Variants in RAB2A observed in about 807,000 individuals in gnomAD.
The protein encoded by RAB2A is ras-related protein Rab-2A.
In RAB2A, 7 loss-of-function variants were observed where a neutral mutation model predicts 32.5. That is an observed-to-expected ratio of 0.22 (90% CI 0.12 to 0.40). The LOEUF (loss-of-function observed/expected upper bound fraction) is 0.40, where lower values mean the gene tolerates loss of function less well. Among genes scored for constraint, RAB2A ranks in the 10% least tolerant of loss-of-function variants. The pLI is 1.00. For missense variants in RAB2A, 108 were observed against 260.7 expected, an observed-to-expected ratio of 0.41 and a Z score of 4.03; for synonymous variants, 79 against 85.2, an observed-to-expected ratio of 0.93 and a Z score of 0.40.
chr8:60,559,885 G>A (rs185252431), intron 2 of RAB2A, among the ~76,000 whole-genome samples: 1 of 152,310 alleles, frequency 6.6e-6, no homozygotes, highest in East Asian at 1.9e-4. Context: ...CCAAATCAGA[G>A]ATAGAGCTCA....
Position 60,620,843 on chromosome 8 carries a change from T to C in RAB2A, c.*74T>C. Reference sequence around the variant, plus strand: ...TTCACCCCCTCTCCTCCTGCTCAGCTGAGACATGAAACTATTTGAAATGGC... The same window carrying C: ...TTCACCCCCTCTCCTCCTGCTCAGCCGAGACATGAAACTATTTGAAATGGC... On this transcript the variant is annotated 3_prime_UTR_variant, in exon 8 of 8. Coordinates refer to ENST00000262646, the MANE Select transcript of RAB2A (RefSeq NM_002865.3). 1 of 1,272,840 alleles carries C rather than the reference T, an allele frequency of 7.9e-7. No individual in the cohort carries two copies. Among genetic ancestry groups the C allele is most frequent in the East Asian group, 2.5e-5 (1 of 40,368 alleles). The allele number at this position is 1,272,840 out of a possible 1,614,324, so 78.8% of individuals were successfully genotyped here.
chr8:60,582,221 G>A (rs1056676291), intron 3 of RAB2A, among the ~76,000 whole-genome samples: 1 of 152,076 alleles, frequency 6.6e-6, no homozygotes, highest in South Asian at 2.1e-4. Context: ...AGTGGCATGA[G>A]CCATTATACC....
intron 6 of RAB2A, among the ~76,000 whole-genome samples, chr8:60,592,927 T>G (rs1803966531): frequency 1.3e-5 from 2 of 152,166 alleles, no homozygotes; most frequent in African/African-American, 4.8e-5. Flanking sequence ...AAAGTAGTTC[T>G]AAAAAACAAA....
At chr8:60,588,597 A>G (rs58916286) in intron 5 of RAB2A, among the ~76,000 whole-genome samples, 9,762 of 152,282 alleles carry the variant, frequency 0.064, 811 homozygotes, top group African/African-American at 0.19. Context: ...ATGTGATTAC[A>G]TTTATATAAA....
chr8:60,571,971 C>T lies in RAB2A; in HGVS notation c.119-75C>T, dbSNP rs912387267. The T allele has an allele frequency of 2.1e-5, 22 of 1,065,680 alleles. No individual in the cohort carries two copies. The East Asian group carries it at 4.3e-4, about 21-fold the overall frequency. The allele number at this position is 1,065,680 out of a possible 1,614,324, so 66.0% of individuals were successfully genotyped here. A position where few individuals can be genotyped will look rare whatever the true frequency, so the allele number is the denominator to read the frequency against. On this transcript the variant is annotated intron_variant, in intron 2 of 7. Coordinates refer to ENST00000262646, the MANE Select transcript of RAB2A (RefSeq NM_002865.3). ...TAGCATAGCATGTCTTGGAAGTAAACATTCTGTTTTTAATCCTTGAAAGTG... is the reference window on the plus strand; with the variant it reads ...TAGCATAGCATGTCTTGGAAGTAAATATTCTGTTTTTAATCCTTGAAAGTG...
chr8:60,575,045 G>C (rs915529430), intron 3 of RAB2A, among the ~76,000 whole-genome samples: 1 of 150,106 alleles, frequency 6.7e-6, no homozygotes, highest in Non-Finnish European at 1.5e-5. Flanking sequence ...GTTGTTTCTT[G>C]AGTCTTTGTC....
intron 2 of RAB2A, 92 bp downstream of exon 2, chr8:60,559,015 A>G (rs1563469728): frequency 2.3e-6 from 2 of 858,774 alleles, no homozygotes; most frequent in Middle Eastern, 3.4e-4. Context: ...TGATGATGCT[A>G]AAATCAGTGA....
Position 60,572,121 on chromosome 8 carries a change from T to C in RAB2A, c.186+8T>C. ...CTTCAGATATGGGATACGGTAAGTA[T>C]AGGAAAAGTGCACTGTATGATCTCA... On this transcript the variant is annotated splice_region_variant and intron_variant, in intron 3 of 7. Coordinates refer to ENST00000262646, the MANE Select transcript of RAB2A (RefSeq NM_002865.3). 6.3e-7 allele frequency: 1 copy of C among 1,584,214 alleles called. No individual in the cohort carries two copies. Among genetic ancestry groups the C allele is most frequent in the African/African-American group, 1.3e-5 (1 of 74,238 alleles).
At chr8:60,553,284 T>G (rs769978916) in intron 1 of RAB2A, among the ~76,000 whole-genome samples, 1 of 152,192 alleles carries the variant, frequency 6.6e-6, no homozygotes, top group Non-Finnish European at 1.5e-5. Flanking sequence ...CAGGTATGGC[T>G]AAAGTTGCTG....
At chr8:60,592,080 T>G in intron 6 of RAB2A, 111 bp downstream of exon 6, 1 of 572,846 alleles carries the variant, frequency 1.7e-6, no homozygotes, top group Non-Finnish European at 3.0e-6. Context: ...TTGAACATCA[T>G]AAAGTAGGAA....
intron 1 of RAB2A, among the ~76,000 whole-genome samples, chr8:60,519,418 T>G (rs1292035733): frequency 6.6e-6 from 1 of 152,196 alleles, no homozygotes; most frequent in Non-Finnish European, 1.5e-5. Context: ...ATTCTTAGAG[T>G]GCTTTCCGGC....
Position 60,530,831 on chromosome 8 carries a change from G to A in RAB2A, c.46+13578G>A, listed in dbSNP as rs181369816. Among the ~76,000 whole-genome samples, 7 of 151,910 alleles carry A rather than the reference G, an allele frequency of 4.6e-5. No homozygotes were observed. The East Asian group carries it at 9.6e-4, about 21-fold the overall frequency. On this transcript the variant is annotated intron_variant, in intron 1 of 7. Coordinates refer to ENST00000262646, the MANE Select transcript of RAB2A (RefSeq NM_002865.3). ...TTGTCATGGGCTTTTGGGTTTAGAC[G>A]GGCACATGTCTTGGCACAGGAAACA...
Position 60,582,067 on chromosome 8 carries a change from T to A in RAB2A, c.187-2141T>A, listed in dbSNP as rs986051487. Among the ~76,000 whole-genome samples, 7 of 151,534 alleles carry A rather than the reference T, an allele frequency of 4.6e-5. No homozygotes were observed. In the Middle Eastern group the frequency reaches 0.014, roughly 295 times the overall value. ...CTCAAGTGATCCTCCTGCTTCAGCCTCCCAAGTAGCTAGGACTGCACGGGT... is the reference window on the plus strand; with the variant it reads ...CTCAAGTGATCCTCCTGCTTCAGCCACCCAAGTAGCTAGGACTGCACGGGT... On this transcript the variant is annotated intron_variant, in intron 3 of 7. Transcript: ENST00000262646.
At chr8:60,578,092 A>G (rs779425828) in intron 3 of RAB2A, among the ~76,000 whole-genome samples, 1 of 152,204 alleles carries the variant, frequency 6.6e-6, no homozygotes, top group African/African-American at 2.4e-5. Context: ...TTTGATAAAT[A>G]ACTAGCAATG....
chr8:60,524,395 C>G (rs948296280), intron 1 of RAB2A, among the ~76,000 whole-genome samples: 1 of 101,502 alleles, frequency 9.9e-6, no homozygotes, highest in African/African-American at 8.1e-5. Context: ...ATTCTCTGCT[C>G]ACTTTAGTCT....
At chr8:60,615,996 T>C (rs574884047) in intron 6 of RAB2A, among the ~76,000 whole-genome samples, 1 of 152,328 alleles carries the variant, frequency 6.6e-6, no homozygotes, top group South Asian at 2.1e-4. Context: ...CTTGATTTTA[T>C]TGTCTGTAAT....
intron 3 of RAB2A, among the ~76,000 whole-genome samples, chr8:60,572,529 C>T (rs537976370): frequency 2.8e-4 from 43 of 152,246 alleles, no homozygotes; most frequent in Non-Finnish European, 4.4e-4. Context: ...AATTCAGTAT[C>T]CTAATTCTGT....
chr8:60,530,482 G>A (rs899089063), intron 1 of RAB2A, among the ~76,000 whole-genome samples: 4 of 151,820 alleles, frequency 2.6e-5, no homozygotes, highest in African/African-American at 9.7e-5. Context: ...GCAGAAATGG[G>A]TCTTGCCATG....
In RAB2A at chr8:60,621,221, T is replaced by C. The variant is rs1804520362; in HGVS notation, c.*452T>C. On this transcript the variant is annotated 3_prime_UTR_variant, in exon 8 of 8. Transcript: ENST00000262646. Reference sequence around the variant, plus strand: ...GACTCTTTTAATTCTGTATTTATCATTTACTTTCTGTATATATAGTTTAAT... The same window carrying C: ...GACTCTTTTAATTCTGTATTTATCACTTACTTTCTGTATATATAGTTTAAT... The C allele has an allele frequency of 6.5e-6, 1 of 154,596 alleles. No individual in the cohort carries two copies. Among genetic ancestry groups the C allele is most frequent in the Non-Finnish European group, 1.4e-5 (1 of 69,464 alleles). The allele number at this position is 154,596 out of a possible 1,614,324, so 9.6% of individuals were successfully genotyped here. A position where few individuals can be genotyped will look rare whatever the true frequency, so the allele number is the denominator to read the frequency against.
Sources: allele counts gnomAD v4.1 joint callset (sites outside exome capture counted in the v4.1 genomes callset), GRCh38; gene constraint gnomAD v4.1.1; transcripts MANE v1.5; gene names NCBI Gene and HGNC (gene_info 2026-07-23, HGNC 2026-07-21).